GPR137B: variants seen among roughly 807,000 people sequenced by gnomAD.
The protein encoded by GPR137B is G protein-coupled receptor 137B, also known as integral membrane protein GPR137B.
In GPR137B, 42 loss-of-function variants were observed where a neutral mutation model predicts 42.5. The ratio of observed to expected loss-of-function variants is 0.99; its 90% CI spans 0.77 to 1.28. GPR137B has a LOEUF of 1.28. GPR137B is among the 50% of genes most tolerant of loss of function. GPR137B has a pLI of 0.00. For missense variants in GPR137B, 487 were observed against 493.9 expected, an observed-to-expected ratio of 0.99 and a Z score of 0.13; for synonymous variants, 218 against 209.7, an observed-to-expected ratio of 1.04 and a Z score of -0.34.
chr1:236,149,617 G>A (rs183500721), intron 1 of GPR137B, among the ~76,000 whole-genome samples: 19 of 152,354 alleles, frequency 1.2e-4, no homozygotes, highest in Admixed American at 7.2e-4. Flanking sequence ...AATACCTGTC[G>A]TGTGGCAGGC....
chr1:236,179,881 C>A lies in GPR137B; in HGVS notation c.690C>A (p.Gly230=). 1 of 1,574,384 alleles carries A rather than the reference C, an allele frequency of 6.4e-7. No homozygotes were observed. Among genetic ancestry groups the A allele is most frequent in the Admixed American group, 1.8e-5 (1 of 55,472 alleles). ...SLANIYLESK[G]SSVCQVTAIG... ...ACCTTCTGCTCCCTCTTTTCCAGGGCTCCTCCGTGTGTCAAGTGACTGCCA... is the reference window on the plus strand; with the variant it reads ...ACCTTCTGCTCCCTCTTTTCCAGGGATCCTCCGTGTGTCAAGTGACTGCCA... Residue 230 remains glycine (G), a splice_region_variant and synonymous_variant, in exon 4 of 7, where the codon GGC becomes GGA. Transcript: ENST00000366592.
chr1:236,196,549 G>T (rs796482772), intron 5 of GPR137B, among the ~76,000 whole-genome samples: 2 of 152,128 alleles, frequency 1.3e-5, no homozygotes, highest in Non-Finnish European at 2.9e-5. Flanking sequence ...TGAGATTTTG[G>T]TGCACCCATT....
intron 2 of GPR137B, among the ~76,000 whole-genome samples, chr1:236,177,004 G>C (rs1294231033): frequency 2.0e-5 from 3 of 152,166 alleles, no homozygotes; most frequent in Non-Finnish European, 4.4e-5. Flanking sequence ...CGTGTGAGGA[G>C]GTACAGGGAG....
intron 4 of GPR137B, among the ~76,000 whole-genome samples, chr1:236,181,394 CAG>C (rs1232049059): frequency 6.6e-6 from 1 of 151,810 alleles, no homozygotes; most frequent in Non-Finnish European, 1.5e-5. Flanking sequence ...CAAAACCGAA[CAG>C]ACTCATTCCC....
At chr1:236,198,304 A>C (rs1239221403) in intron 5 of GPR137B, among the ~76,000 whole-genome samples, 1 of 152,052 alleles carries the variant, frequency 6.6e-6, no homozygotes, top group Non-Finnish European at 1.5e-5. Context: ...TCCCAGGTTC[A>C]AGTAATTCTT....
intron 5 of GPR137B, among the ~76,000 whole-genome samples, chr1:236,189,201 C>A (rs78098005): frequency 0.23 from 34,805 of 151,746 alleles, 4,167 homozygotes; most frequent in East Asian, 0.32. Flanking sequence ...CTATTTGATT[C>A]TTCTCTCTTT....
intron 1 of GPR137B, among the ~76,000 whole-genome samples, chr1:236,159,934 G>T (rs546285618): frequency 6.6e-6 from 1 of 152,194 alleles, no homozygotes; most frequent in Non-Finnish European, 1.5e-5. Flanking sequence ...ATTCCCCAGC[G>T]CCTGACAGCG....
chr1:236,192,864 TC>T (rs1181176513), intron 5 of GPR137B, among the ~76,000 whole-genome samples: 1 of 151,418 alleles, frequency 6.6e-6, no homozygotes, highest in East Asian at 1.9e-4. Context: ...CTTAAATGTT[TC>T]CTTTTTATCA....
At chr1:236,146,102 C>T (rs1048661072) in intron 1 of GPR137B, among the ~76,000 whole-genome samples, 2 of 150,954 alleles carry the variant, frequency 1.3e-5, no homozygotes, top group Non-Finnish European at 3.0e-5. Flanking sequence ...AAGTAATCTG[C>T]CCACCTCGGC....
chr1:236,197,183 C>T (rs1663363018), intron 5 of GPR137B, among the ~76,000 whole-genome samples: 1 of 151,932 alleles, frequency 6.6e-6, no homozygotes, highest in Admixed American at 6.6e-5. Flanking sequence ...TGGATATCTT[C>T]TTTTGAGAAT....
intron 5 of GPR137B, among the ~76,000 whole-genome samples, chr1:236,190,148 C>CTTTTTTTTT (rs34520510): frequency 5.9e-5 from 7 of 119,422 alleles, no homozygotes; most frequent in Non-Finnish European, 7.1e-5. Flanking sequence ...CCTGCTTCTT[C>CTTTTTTTTT]TTTTTTTTTT....
chr1:236,208,301 T>A lies in GPR137B; in HGVS notation c.*143T>A, dbSNP rs1282597356. ...CAGGTTTCCAATGGCCCCATAGGAA[T>A]AAGCAATAATGTAGACTGATAAACC... On this transcript the variant is annotated 3_prime_UTR_variant, in exon 7 of 7. Transcript: ENST00000366592. The A allele has an allele frequency of 5.5e-6, 8 of 1,446,364 alleles. No homozygotes were observed. The highest frequency in any genetic ancestry group is 6.3e-6 in the Non-Finnish European group (7 of 1,104,478). 89.6% of individuals were successfully genotyped at this position (1,446,364 alleles called of 1,614,324 possible).
At chr1:236,199,526 T>C (rs1004466978) in intron 5 of GPR137B, among the ~76,000 whole-genome samples, 2 of 152,194 alleles carry the variant, frequency 1.3e-5, no homozygotes, top group African/African-American at 4.8e-5. Context: ...GGTCCTGGAC[T>C]TTTTTTGTTG....
chr1:236,161,900 A>C (rs111229744), intron 1 of GPR137B, among the ~76,000 whole-genome samples: 28,300 of 152,168 alleles, frequency 0.19, 2,848 homozygotes, highest in East Asian at 0.35. Context: ...AGCAGTGTGA[A>C]AATGGACTAA....
At chr1:236,177,889 C>T (rs1662733526) in intron 2 of GPR137B, among the ~76,000 whole-genome samples, 1 of 151,848 alleles carries the variant, frequency 6.6e-6, no homozygotes, top group Non-Finnish European at 1.5e-5. Flanking sequence ...AGTGAGCGCT[C>T]TCTGGACTCC....
rs1394779171 is a variant in GPR137B at position 236,156,143 on chromosome 1, G to C, written c.415-12563G>C. Among the ~76,000 whole-genome samples the C allele has an allele frequency of 6.6e-6, 1 of 152,190 alleles. No individual in the cohort carries two copies. The highest frequency in any genetic ancestry group is 1.5e-5 in the Non-Finnish European group (1 of 68,030). The stretch of plus-strand genomic sequence containing the variant: ...AAATCCAGAGAAGCAATTATGGTTG[G>C]CTTCTGATCACGTGGGAAGAAGCTC... On this transcript the variant is annotated intron_variant, in intron 1 of 6. Coordinates refer to ENST00000366592, the MANE Select transcript of GPR137B (RefSeq NM_003272.4). This position sits in a 1 kb window ranked among gnomAD's most constrained non-coding sequence, Gnocchi z 4.8.
Position 236,150,229 on chromosome 1 carries a change from G to C in GPR137B, c.414+7193G>C, listed in dbSNP as rs1661813526. On this transcript the variant is annotated intron_variant, in intron 1 of 6. Transcript: ENST00000366592. This position sits in a 1 kb window ranked among gnomAD's most constrained non-coding sequence, Gnocchi z 6.2. ...TGTGTGTCTGTGCCTGTGTGTGCCT[G>C]TGTATGTCTGTGCCCGTGTGTGTGC... 6.7e-6 allele frequency among the ~76,000 whole-genome samples: 1 copy of C among 149,588 alleles called. No homozygotes were observed. Among genetic ancestry groups the C allele is most frequent in the African/African-American group, 2.5e-5 (1 of 40,480 alleles).
At chr1:236,152,559 C>T (rs1661898993) in intron 1 of GPR137B, among the ~76,000 whole-genome samples, 1 of 151,972 alleles carries the variant, frequency 6.6e-6, no homozygotes, top group Non-Finnish European at 1.5e-5. Flanking sequence ...GTAGTTCAGA[C>T]CACCCTGGCC....
chr1:236,165,802 T>A (rs1276016810), intron 1 of GPR137B, among the ~76,000 whole-genome samples: 1 of 152,242 alleles, frequency 6.6e-6, no homozygotes, highest in African/African-American at 2.4e-5. Context: ...AAAGTTTTCC[T>A]AGCAGTTTCT....
Sources: allele counts gnomAD v4.1 joint callset (sites outside exome capture counted in the v4.1 genomes callset), GRCh38; gene constraint gnomAD v4.1.1; non-coding constraint Gnocchi (gnomAD v3.1); transcripts MANE v1.5; gene names NCBI Gene and HGNC (gene_info 2026-07-23, HGNC 2026-07-21).